The following LRRTM4 variants were observed in gnomAD, a reference collection of about 807,000 sequenced individuals.
LRRTM4 encodes the protein leucine rich repeat transmembrane neuronal 4.
Under a neutral mutation model 47.6 loss-of-function variants are expected in LRRTM4, and 25 were observed. That is an observed-to-expected ratio of 0.53 (90% CI 0.38 to 0.73). The LOEUF is 0.73. Ranked by LOEUF, LRRTM4 falls within the 30% of genes least tolerant of loss-of-function variation. The pLI is 0.00. For missense variants in LRRTM4, 638 were observed against 713.4 expected (o/e 0.89, Z 1.20); for synonymous variants, 311 against 269.5 (o/e 1.15, Z -1.51).
chr2:77,331,777 G>A (rs920136081), intron 3 of LRRTM4, among the ~76,000 whole-genome samples: 1 of 152,014 alleles, frequency 6.6e-6, no homozygotes, highest in Non-Finnish European at 1.5e-5. Context: ...CACTTTAATA[G>A]CAGTTGATAC....
chr2:77,198,282 C>T (rs1261919418), intron 3 of LRRTM4, among the ~76,000 whole-genome samples: 5 of 152,112 alleles, frequency 3.3e-5, no homozygotes, highest in Non-Finnish European at 7.4e-5. Context: ...TCATACCTTC[C>T]ACCACTTACT....
intron 3 of LRRTM4, among the ~76,000 whole-genome samples, chr2:77,251,046 T>A (rs1399882797): frequency 6.6e-6 from 1 of 151,590 alleles, no homozygotes; most frequent in East Asian, 1.9e-4. Flanking sequence ...GAGGTTGCAG[T>A]GAGCCGAGAT....
At chr2:76,826,474 GAT>G (rs1671194568) in intron 3 of LRRTM4, among the ~76,000 whole-genome samples, 2 of 151,472 alleles carry the variant, frequency 1.3e-5, no homozygotes, top group Admixed American at 1.3e-4. Context: ...ACTCCCTAAG[GAT>G]TTAAGGATTT....
At chr2:77,213,371 G>A (rs908553999) in intron 3 of LRRTM4, among the ~76,000 whole-genome samples, 4 of 151,894 alleles carry the variant, frequency 2.6e-5, no homozygotes, top group African/African-American at 9.7e-5. Context: ...TGTGTCATGT[G>A]GTCATGTCAC....
intron 3 of LRRTM4, among the ~76,000 whole-genome samples, chr2:77,188,881 T>C (rs1475480479): frequency 6.6e-6 from 1 of 152,198 alleles, no homozygotes; most frequent in Non-Finnish European, 1.5e-5. Flanking sequence ...ATCATTTTTG[T>C]TTCCAAAATA....
chr2:76,845,200 T>G (rs953687665), intron 3 of LRRTM4, among the ~76,000 whole-genome samples: 2 of 152,016 alleles, frequency 1.3e-5, no homozygotes, highest in Non-Finnish European at 2.9e-5. Flanking sequence ...AATAAGAAAG[T>G]AAAAGTGTGG....
intron 3 of LRRTM4, among the ~76,000 whole-genome samples, chr2:77,210,879 T>C (rs1444770794): frequency 6.6e-6 from 1 of 151,976 alleles, no homozygotes; most frequent in African/African-American, 2.4e-5. Flanking sequence ...AGAGGCAGAG[T>C]GTACTGTCTG....
intron 3 of LRRTM4, among the ~76,000 whole-genome samples, chr2:76,979,320 C>A (rs1215431013): frequency 6.6e-6 from 1 of 151,724 alleles, no homozygotes; most frequent in Non-Finnish European, 1.5e-5. Flanking sequence ...ATTGTTGAAG[C>A]CTAGGAAAAG....
At chr2:76,899,555 G>C (rs1476500438) in intron 3 of LRRTM4, among the ~76,000 whole-genome samples, 1 of 152,052 alleles carries the variant, frequency 6.6e-6, no homozygotes, top group Non-Finnish European at 1.5e-5. Context: ...GAAGGCAATA[G>C]CTAATGCAAA....
At chr2:77,367,206 TC>T (rs1263715101) in intron 3 of LRRTM4, among the ~76,000 whole-genome samples, 1 of 151,664 alleles carries the variant, frequency 6.6e-6, no homozygotes, top group Admixed American at 6.6e-5. Flanking sequence ...AGTTTTCCTA[TC>T]CTCCTAACCT....
intron 3 of LRRTM4, among the ~76,000 whole-genome samples, chr2:77,219,035 A>G (rs72809119): frequency 0.11 from 16,563 of 152,248 alleles, 1,295 homozygotes; most frequent in East Asian, 0.34. Context: ...GAGAAATATT[A>G]AAATCAGACT....
At chr2:77,265,145 C>T (rs562727038) in intron 3 of LRRTM4, among the ~76,000 whole-genome samples, 1 of 152,116 alleles carries the variant, frequency 6.6e-6, no homozygotes, top group Non-Finnish European at 1.5e-5. Flanking sequence ...TGCATCAAGG[C>T]TATAAAAGGT....
At chr2:77,138,731 C>T (rs920499756) in intron 3 of LRRTM4, among the ~76,000 whole-genome samples, 1 of 151,780 alleles carries the variant, frequency 6.6e-6, no homozygotes, top group Non-Finnish European at 1.5e-5. Context: ...ACTAGCAAGA[C>T]TAATAAAGAA....
intron 3 of LRRTM4, among the ~76,000 whole-genome samples, chr2:76,812,731 T>C (rs1028934851): frequency 8.2e-5 from 12 of 145,464 alleles, no homozygotes; most frequent in Admixed American, 4.9e-4. Context: ...TCTCTTTTTC[T>C]CCTCCTCCTC....
chr2:77,424,202 GA>G (rs1424870670), intron 3 of LRRTM4, among the ~76,000 whole-genome samples: 2 of 152,086 alleles, frequency 1.3e-5, no homozygotes, highest in Non-Finnish European at 2.9e-5. Flanking sequence ...TGCAAACTTG[GA>G]ATTCTCCTGG....
chr2:77,464,839 G>T (rs1413893199), intron 3 of LRRTM4, among the ~76,000 whole-genome samples: 1 of 152,008 alleles, frequency 6.6e-6, no homozygotes, highest in Non-Finnish European at 1.5e-5. Flanking sequence ...CTCTGGGTTG[G>T]GCAATAAAAA....
chr2:76,774,427 T>A (rs1673866626), intron 3 of LRRTM4, among the ~76,000 whole-genome samples: 1 of 152,136 alleles, frequency 6.6e-6, no homozygotes, highest in African/African-American at 2.4e-5. Context: ...CCTGACCTCG[T>A]GATCTGCCTG....
At chr2:77,095,748 T>A (rs1329066749) in intron 3 of LRRTM4, among the ~76,000 whole-genome samples, 3 of 151,980 alleles carry the variant, frequency 2.0e-5, no homozygotes, top group African/African-American at 7.2e-5. Context: ...GACCTTCAGG[T>A]CAGATCCACC....
At chr2:77,130,430 G>A (rs991845488) in intron 3 of LRRTM4, among the ~76,000 whole-genome samples, 8 of 151,992 alleles carry the variant, frequency 5.3e-5, no homozygotes, top group Non-Finnish European at 1.5e-5. Flanking sequence ...TGTACACTAT[G>A]GAGTATTTTT....
Sources: gnomAD v4.1 joint callset for allele counts (sites outside exome capture counted in the v4.1 genomes callset) on GRCh38, gnomAD v4.1.1 for gene constraint, MANE v1.5 for transcripts, NCBI Gene and HGNC (gene_info 2026-07-23, HGNC 2026-07-21) for gene names.